MRPL32: variants seen among roughly 807,000 people sequenced by gnomAD.
MRPL32 encodes the protein large ribosomal subunit protein bL32m.
A neutral mutation model predicts 21.7 loss-of-function variants in MRPL32; 14 were observed. That is an observed-to-expected ratio of 0.64 (90% confidence interval 0.43 to 1.01). The LOEUF is 1.01. Ranked by LOEUF, MRPL32 falls within the 50% of genes least tolerant of loss-of-function variation. MRPL32 has a pLI of 0.00. For synonymous variants in MRPL32, 83 were observed against 87.7 expected, an observed-to-expected ratio of 0.95 and a Z score of 0.30; for missense variants, 211 against 235.9, an observed-to-expected ratio of 0.89 and a Z score of 0.69.
chr7:42,933,362 C>T (rs1303158878), intron 1 of MRPL32, among the ~76,000 whole-genome samples: 1 of 152,042 alleles, frequency 6.6e-6, no homozygotes, highest in African/African-American at 2.4e-5. Context: ...ACAGAGTTGT[C>T]CTGAGAGGAC....
rs754028890 is a variant in MRPL32, at chr7:42,935,141, T to G, written c.312+5T>G. ...CAGAAGCTTATTAAAGTTAAGGTAATGCATTGATTTTTGTGGGTGTGCTTT... is the reference window on the plus strand; with the variant it reads ...CAGAAGCTTATTAAAGTTAAGGTAAGGCATTGATTTTTGTGGGTGTGCTTT... On this transcript the variant is annotated splice_donor_5th_base_variant and intron_variant, in intron 2 of 2. Transcript: ENST00000223324. 7 of 1,606,020 alleles carry G rather than the reference T, an allele frequency of 4.4e-6. No homozygotes were observed. In the Admixed American group the frequency reaches 1.2e-4, roughly 28 times the overall value.
chr7:42,937,240 A>G, intron 2 of MRPL32, 82 bp from the exon 3 acceptor site: 1 of 1,610,700 alleles, frequency 6.2e-7, no homozygotes. Flanking sequence ...GAAAGTTAAA[A>G]TGTAAGCATT....
chr7:42,935,214 A>C, intron 2 of MRPL32, 78 bp downstream of exon 2: 1 of 1,244,790 alleles, frequency 8.0e-7, no homozygotes. Flanking sequence ...CCTATAGCCT[A>C]GGAATAAATT....
chr7:42,935,418 C>T (rs1055164117), intron 2 of MRPL32: 1 of 252,926 alleles, frequency 4.0e-6, no homozygotes, highest in Non-Finnish European at 7.6e-6. Context: ...GAATTGTGAG[C>T]TGTGTCAGTC....
At chr7:42,935,870 C>T (rs375294342) in intron 2 of MRPL32, 3 of 152,242 alleles carry the variant, frequency 2.0e-5, no homozygotes, top group African/African-American at 7.2e-5. Context: ...TCCTCGCTGA[C>T]AACATGGATG....
At chr7:42,933,537 CAT>C (rs1249127901) in intron 1 of MRPL32, among the ~76,000 whole-genome samples, 1 of 150,616 alleles carries the variant, frequency 6.6e-6, no homozygotes, top group Non-Finnish European at 1.5e-5. Flanking sequence ...CCGCGCAGTA[CAT>C]GTTTTCTGTG....
intron 1 of MRPL32, among the ~76,000 whole-genome samples, chr7:42,934,181 T>C (rs1161458465): frequency 1.3e-5 from 2 of 149,864 alleles, no homozygotes; most frequent in Non-Finnish European, 3.0e-5. Flanking sequence ...GGCAGGAGAA[T>C]CACTTGAACC....
chr7:42,936,568 T>TTTA (rs1786426801), intron 2 of MRPL32: 1 of 151,988 alleles, frequency 6.6e-6, no homozygotes, highest in Middle Eastern at 3.2e-3. Context: ...TCCTGTTTAG[T>TTTA]ATTTTTCTTT....
intron 2 of MRPL32, 123 bp from the exon 3 acceptor site, chr7:42,937,199 A>G (rs781020349): frequency 5.5e-5 from 87 of 1,583,820 alleles, no homozygotes; most frequent in Non-Finnish European, 7.1e-5. Context: ...TAGATGGTGT[A>G]TGATGACCTC....
At position 42,937,651 on chromosome 7, in the gene MRPL32, G is replaced by A. The variant is rs1326641930; in HGVS notation, c.*75G>A. 4 of 1,415,230 alleles carry A rather than the reference G, an allele frequency of 2.8e-6. No homozygotes were observed. In the Admixed American group the frequency reaches 6.7e-5, roughly 24 times the overall value. 87.7% of individuals were successfully genotyped at this position (1,415,230 alleles called of 1,614,324 possible). A position where few individuals can be genotyped will look rare whatever the true frequency, so the allele number is the denominator to read the frequency against. On this transcript the variant is annotated 3_prime_UTR_variant, in exon 3 of 3. Transcript: ENST00000223324. The stretch of plus-strand genomic sequence containing the variant: ...ATAGAGGAAGATTCTTTATGTTGTT[G>A]TGCTTGTTTTTAAATCATCAGTATA...
intron 1 of MRPL32, 130 bp downstream of exon 1, chr7:42,932,646 G>A: frequency 1.0e-6 from 1 of 966,556 alleles, no homozygotes; most frequent in Non-Finnish European, 1.4e-6. Flanking sequence ...GACGTAGTTC[G>A]TGACATTCCC....
rs959832568 is a variant in MRPL32 at position 42,937,685 on chromosome 7, C to T, written c.*109C>T. The stretch of plus-strand genomic sequence containing the variant: ...TTTAAATCATCAGTATAGTTTAACA[C>T]ATTCTTTCTAAGCAGTTTTGTGTGG... On this transcript the variant is annotated 3_prime_UTR_variant, in exon 3 of 3. Coordinates refer to ENST00000223324, the MANE Select transcript of MRPL32 (RefSeq NM_031903.3). 1 of 1,180,680 alleles carries T rather than the reference C, an allele frequency of 8.5e-7. No individual in the cohort carries two copies. Among genetic ancestry groups the T allele is most frequent in the Middle Eastern group, 3.0e-4 (1 of 3,380 alleles). 73.1% of individuals were successfully genotyped at this position (1,180,680 alleles called of 1,614,324 possible).
chr7:42,934,216 C>T (rs2033170), intron 1 of MRPL32, among the ~76,000 whole-genome samples: 5,461 of 148,930 alleles, frequency 0.037, 179 homozygotes, highest in East Asian at 0.099. Flanking sequence ...TGCAGTGAGC[C>T]GAGGTCACGC....
intron 2 of MRPL32, chr7:42,936,210 A>T (rs1416456535): frequency 6.6e-6 from 1 of 152,214 alleles, no homozygotes; most frequent in African/African-American, 2.4e-5. Flanking sequence ...TAGGAATGAG[A>T]TCTTGCACTG....
At position 42,932,401 on chromosome 7, in the gene MRPL32, G is replaced by T. The variant is rs753883904; in HGVS notation, c.15G>T (p.Met5Ile). Residue 5 changes from methionine (M) to isoleucine (I), a missense_variant, in exon 1 of 3, where the codon ATG (methionine) becomes ATT (isoleucine). Physicochemically the swap from Met to Ile is conservative, Grantham distance 10 (BLOSUM62 1). Around this residue, in one of 2 missense-constraint regions of MRPL32, gnomAD observed 81 missense variants for 55.8 expected, o/e 1.45. Coordinates refer to ENST00000223324, the MANE Select transcript of MRPL32 (RefSeq NM_031903.3). The part of the protein sequence containing the change: MALA[M>I]LVLVVSPWSA... ...CAGCAGGGAAAATGGCGCTGGCCAT[G>T]CTGGTCTTGGTGGTTTCGCCGTGGT... is the stretch of plus-strand genomic sequence containing the variant. 1.2e-6 allele frequency: 2 copies of T among 1,610,224 alleles called. No homozygotes were observed. Among genetic ancestry groups the T allele is most frequent in the South Asian group, 1.1e-5 (1 of 91,020 alleles).
intron 2 of MRPL32, chr7:42,936,162 C>A (rs1786418718): frequency 6.6e-6 from 1 of 152,186 alleles, no homozygotes; most frequent in South Asian, 2.1e-4. Context: ...TTAAGACTTA[C>A]AGTAATTCAT....
At chr7:42,934,711 A>C (rs1345173802) in intron 1 of MRPL32, among the ~76,000 whole-genome samples, 1 of 152,218 alleles carries the variant, frequency 6.6e-6, no homozygotes, top group Non-Finnish European at 1.5e-5. Context: ...ACTTGATGGA[A>C]TTTCACTGAT....
chr7:42,937,829 A>T lies in MRPL32; in HGVS notation c.*253A>T, dbSNP rs897853560. Reference sequence around the variant, plus strand: ...GTAAACATAAAATTTCCAGAACAAAAATAAAAAATTTAAAATTCATAGCAA... The same window carrying T: ...GTAAACATAAAATTTCCAGAACAAATATAAAAAATTTAAAATTCATAGCAA... On this transcript the variant is annotated 3_prime_UTR_variant, in exon 3 of 3. Transcript: ENST00000223324. 3.2e-6 allele frequency: 1 copy of T among 315,404 alleles called. No individual in the cohort carries two copies. Among genetic ancestry groups the T allele is most frequent in the African/African-American group, 2.1e-5 (1 of 46,706 alleles). 19.5% of individuals were successfully genotyped at this position (315,404 alleles called of 1,614,324 possible).
rs758854016 is a variant in MRPL32 at position 42,932,504 on chromosome 7, A to G, written c.118A>G (p.Ser40Gly). The G allele has an allele frequency of 1.2e-6, 2 of 1,607,156 alleles. No homozygotes were observed. Among genetic ancestry groups the G allele is most frequent in the African/African-American group, 1.3e-5 (1 of 74,734 alleles). Residue 40 changes from serine (S) to glycine (G), a missense_variant, in exon 1 of 3, where the codon AGT becomes GGT. Physicochemically the swap from Ser to Gly is moderately conservative, Grantham distance 56. Coordinates refer to ENST00000223324, the MANE Select transcript of MRPL32 (RefSeq NM_031903.3). The part of the protein sequence containing the change: ...KLPQSRPGFP[S>G]PPWGPALAVQ... ...TCCGCAGAGCCGGCCGGGCTTTCCC[A>G]GTCCTCCGTGGGGTAGGTAAAGAAG...
Sources: gnomAD v4.1 joint callset for allele counts (sites outside exome capture counted in the v4.1 genomes callset) on GRCh38, gnomAD v4.1.1 for gene constraint, gnomAD v4.1.1 regional missense constraint, MANE v1.5 for transcripts, NCBI Gene and HGNC (gene_info 2026-07-23, HGNC 2026-07-21) for gene names.